CR1L: variants seen among roughly 807,000 people sequenced by gnomAD.
CR1L encodes the protein complement C3b/C4b receptor 1 like.
CR1L carries 59 observed loss-of-function variants against 62.3 expected under a neutral mutation model. The observed-to-expected ratio is 0.95, with a 90% CI of 0.77 to 1.18. The LOEUF is 1.18. CR1L is among the 50% of genes most tolerant of loss of function. The probability of loss-of-function intolerance (pLI) is 0.00; values close to 1 mark genes in which losing one functional copy is unlikely to be tolerated. For synonymous variants in CR1L, 279 were observed against 248.7 expected, an observed-to-expected ratio of 1.12 and a Z score of -1.15; for missense variants, 700 against 702.8, an observed-to-expected ratio of 1.00 and a Z score of 0.04.
chr1:207,645,327 T>G lies in CR1L; in HGVS notation c.94T>G (p.Ser32Ala). ...CCTGGTGTTGCTGCTGTCCTCCTTC[T>G]CCGGTAGGACCCCGGGGTGGATTCG... Reference protein sequence around the residue: ...AALVLLLSSFSDQCNVPEWLP... With the variant: ...AALVLLLSSFADQCNVPEWLP... The change falls in exon 1 of 12, where the codon TCC (serine) becomes GCC (alanine). Residue 32 changes from serine to alanine, a missense_variant. Ser to Ala is a moderately conservative substitution (Grantham distance 99). Coordinates refer to ENST00000508064, the MANE Select transcript of CR1L (RefSeq NM_175710.2). 1 of 1,613,910 alleles carries G rather than the reference T, an allele frequency of 6.2e-7. No individual in the cohort carries two copies.
chr1:207,699,325 A>ATGG (rs1460456783), intron 8 of CR1L, 51 bp downstream of exon 8: 6 of 1,607,068 alleles, frequency 3.7e-6, no homozygotes, highest in Non-Finnish European at 5.1e-6. Flanking sequence ...TCATCTGTTC[A>ATGG]GTATTTGACC....
intron 10 of CR1L, among the ~76,000 whole-genome samples, chr1:207,712,179 G>A (rs985291479): frequency 6.6e-6 from 1 of 152,188 alleles, no homozygotes; most frequent in Non-Finnish European, 1.5e-5. Flanking sequence ...CAGTATGACT[G>A]TACTTTAGTC....
At chr1:207,685,649 C>T (rs907360249) in intron 4 of CR1L, among the ~76,000 whole-genome samples, 8 of 152,186 alleles carry the variant, frequency 5.3e-5, no homozygotes, top group Non-Finnish European at 1.0e-4. Flanking sequence ...ATTCAGAGAA[C>T]CCAGTTCAAT....
At chr1:207,697,960 A>T (rs1664132306) in intron 7 of CR1L, 87 bp downstream of exon 7, 1 of 1,565,310 alleles carries the variant, frequency 6.4e-7, no homozygotes, top group South Asian at 1.1e-5. Flanking sequence ...TGGCTTAAAA[A>T]AAGACAGACA....
intron 4 of CR1L, among the ~76,000 whole-genome samples, chr1:207,688,723 C>A (rs1230271338): frequency 6.6e-6 from 1 of 152,022 alleles, no homozygotes; most frequent in Non-Finnish European, 1.5e-5. Context: ...TATATCCTCC[C>A]ATTTTTGAAG....
intron 1 of CR1L, among the ~76,000 whole-genome samples, chr1:207,648,345 A>C (rs530442555): frequency 1.3e-5 from 2 of 152,338 alleles, no homozygotes; most frequent in South Asian, 4.1e-4. Flanking sequence ...AATGAAGAGA[A>C]GGAAAAATAA....
chr1:207,678,426 G>C, intron 3 of CR1L, 129 bp downstream of exon 3: 1 of 751,072 alleles, frequency 1.3e-6, no homozygotes, highest in South Asian at 2.0e-5. Flanking sequence ...CTTCAACACA[G>C]GTGCTTAGCT....
intron 1 of CR1L, chr1:207,669,486 G>T: frequency 6.3e-7 from 1 of 1,577,946 alleles, no homozygotes. Context: ...CTGTTGGGCA[G>T]CCGGCGCCCG....
intron 9 of CR1L, among the ~76,000 whole-genome samples, chr1:207,706,344 C>T (rs1664267636): frequency 6.6e-6 from 1 of 151,768 alleles, no homozygotes; most frequent in Admixed American, 6.6e-5. Flanking sequence ...TCACCTCAGC[C>T]CGAGAGGCTG....
chr1:207,662,911 A>G (rs868496435), intron 1 of CR1L, among the ~76,000 whole-genome samples: 1 of 152,268 alleles, frequency 6.6e-6, no homozygotes, highest in South Asian at 2.1e-4. Context: ...CTGGAGGTCC[A>G]CTCTAGACCC....
chr1:207,715,162 A>C (rs1312843572), intron 10 of CR1L: 3 of 505,996 alleles, frequency 5.9e-6, no homozygotes, highest in Admixed American at 5.0e-5. Context: ...ATCCCTAATG[A>C]ACTAAGACTT....
chr1:207,693,466 C>T (rs1387083610), intron 4 of CR1L, among the ~76,000 whole-genome samples: 1 of 152,196 alleles, frequency 6.6e-6, no homozygotes, highest in Non-Finnish European at 1.5e-5. Context: ...GGAAATTTCT[C>T]AGTTATTACT....
intron 1 of CR1L, among the ~76,000 whole-genome samples, chr1:207,676,143 A>C (rs567466486): frequency 6.6e-6 from 1 of 152,224 alleles, no homozygotes; most frequent in South Asian, 2.1e-4. Context: ...TTACTGATTA[A>C]CTAAAATTTG....
In CR1L at chr1:207,671,104, G is replaced by A. The variant is rs574384839; in HGVS notation, c.98-6285G>A. ...CTTACCAACTGGGGCTGTGGACCCAGCAACTTAAGTCACATCACTGACCTT... is the reference window on the plus strand; with the variant it reads ...CTTACCAACTGGGGCTGTGGACCCAACAACTTAAGTCACATCACTGACCTT... On this transcript the variant is annotated intron_variant, in intron 1 of 11. Transcript: ENST00000508064. Among the ~76,000 whole-genome samples the A allele has an allele frequency of 2.6e-4, 40 of 151,102 alleles. 4 individuals are homozygous for A. The highest frequency in any genetic ancestry group is 9.6e-4 in the African/African-American group (39 of 40,420).
At chr1:207,657,024 G>A in intron 1 of CR1L, 1 of 555,792 alleles carries the variant, frequency 1.8e-6, no homozygotes, top group Non-Finnish European at 3.2e-6. Flanking sequence ...CAACCAGCTT[G>A]TAGAAACCCT....
At chr1:207,715,751 C>G (rs1004744187) in intron 10 of CR1L, among the ~76,000 whole-genome samples, 3 of 151,922 alleles carry the variant, frequency 2.0e-5, no homozygotes, top group Non-Finnish European at 4.4e-5. Context: ...GGACAGAATG[C>G]AGTGGTGCAA....
chr1:207,656,415 C>T (rs11577173), intron 1 of CR1L, among the ~76,000 whole-genome samples: 5,835 of 152,272 alleles, frequency 0.038, 178 homozygotes, highest in South Asian at 0.12. Context: ...AAATTGTCAG[C>T]ATTTCTTGTG....
At chr1:207,691,253 C>T (rs1333948317) in intron 4 of CR1L, among the ~76,000 whole-genome samples, 1 of 152,048 alleles carries the variant, frequency 6.6e-6, no homozygotes, top group Non-Finnish European at 1.5e-5. Flanking sequence ...TCTCTCTTTA[C>T]CTCTCATAAT....
chr1:207,718,213 T>C (rs1654050875), intron 11 of CR1L, among the ~76,000 whole-genome samples: 1 of 152,168 alleles, frequency 6.6e-6, no homozygotes, highest in Non-Finnish European at 1.5e-5. Context: ...GTCCTTCACC[T>C]CACCATTAAC....
Sources: gnomAD v4.1 joint callset for allele counts (sites outside exome capture counted in the v4.1 genomes callset) on GRCh38, gnomAD v4.1.1 for gene constraint, MANE v1.5 for transcripts, NCBI Gene and HGNC (gene_info 2026-07-23, HGNC 2026-07-21) for gene names.